Variants in EVPL observed in about 807,000 individuals in gnomAD.
EVPL encodes the protein envoplakin.
EVPL carries 94 observed loss-of-function variants against 129.7 expected under a neutral mutation model. The ratio of observed to expected loss-of-function variants is 0.72; its 90% CI spans 0.61 to 0.86. The LOEUF (loss-of-function observed/expected upper bound fraction) is 0.86, where lower values mean the gene tolerates loss of function less well. EVPL is among the 40% of genes least tolerant of loss of function. EVPL has a pLI of 0.00. For synonymous variants in EVPL, 1,172 were observed against 1,191.1 expected (o/e 0.98, Z 0.33); for missense variants, 2,625 against 2,721.1 (o/e 0.96, Z 0.79).
At chr17:76,010,616 A>C in intron 21 of EVPL, 73 bp from the exon 22 acceptor site, 1 of 1,462,726 alleles carries the variant, frequency 6.8e-7, no homozygotes, top group Non-Finnish European at 9.1e-7. Flanking sequence ...CCTGAGATGA[A>C]AGACCCCTCC....
At chr17:76,014,597 GA>G (rs1567911041) in intron 17 of EVPL, 21 bp from the exon 18 acceptor site, 1 of 1,609,670 alleles carries the variant, frequency 6.2e-7, no homozygotes, top group Admixed American at 1.7e-5. Flanking sequence ...ACGAGGCCCA[GA>G]ACAGAGATAA....
At chr17:76,015,191 T>A in intron 16 of EVPL, 36 bp downstream of exon 16, 1 of 1,564,120 alleles carries the variant, frequency 6.4e-7, no homozygotes, top group Non-Finnish European at 8.7e-7. Flanking sequence ...AATGCTGGGT[T>A]CCCCTGACAC....
rs1280127922 is a variant in EVPL, at chr17:76,009,398, C to G, written c.3807G>C (p.Glu1269Asp). Residue 1269 changes from glutamate (E) to aspartate (D), a missense_variant, in exon 22 of 22, where the codon GAG (glutamate) becomes GAC (aspartate). By Grantham distance (45) the Glu-to-Asp change is conservative. Coordinates refer to ENST00000301607, the MANE Select transcript of EVPL (RefSeq NM_001988.4). This position sits in a 1 kb window ranked among gnomAD's most constrained non-coding sequence, Gnocchi z 5.9. ...RHERSPEVLR[E>D]IDRLKAQLNE... ...TGAGCTGAGCCTTCAGGCGGTCGAT[C>G]TCACGCAGCACCTCGGGGCTCCTCT... 1.2e-6 allele frequency: 2 copies of G among 1,614,072 alleles called. No homozygotes were observed. The highest frequency in any genetic ancestry group is 1.7e-6 in the Non-Finnish European group (2 of 1,180,014).
chr17:76,014,810 G>A lies in EVPL; in HGVS notation c.2222+106C>T, dbSNP rs539682516. The A allele has an allele frequency of 2.2e-5, 28 of 1,259,430 alleles. No homozygotes were observed. In the South Asian group the frequency reaches 3.8e-4, roughly 17 times the overall value. 78.0% of individuals were successfully genotyped at this position (1,259,430 alleles called of 1,614,324 possible). On this transcript the variant is annotated intron_variant, in intron 17 of 21. Coordinates refer to ENST00000301607, the MANE Select transcript of EVPL (RefSeq NM_001988.4). Reference sequence around the variant, plus strand: ...ATCCCATTTTAGAGATGAGGAAACAGCTTCAGAGACGTGAAGTCACTAGCC... The same window carrying A: ...ATCCCATTTTAGAGATGAGGAAACAACTTCAGAGACGTGAAGTCACTAGCC...
At chr17:76,018,068 C>A in intron 13 of EVPL, 93 bp downstream of exon 13, 1 of 1,532,736 alleles carries the variant, frequency 6.5e-7, no homozygotes, top group Non-Finnish European at 8.8e-7. Context: ...GGTCCCTAAC[C>A]CAAGGCGACC....
In EVPL at chr17:76,008,113, A is replaced by G. The variant is rs1745892500; in HGVS notation, c.5092T>C (p.Ser1698Pro). ...ILEPETGKDM[S>P]PYEAYKRGII... ...CCCCTCTTGTAGGCCTCGTATGGGG[A>G]CATGTCCTTCCCCGTCTCGGGTTCC... Residue 1698 changes from serine (S) to proline (P), a missense_variant, in exon 22 of 22, where the codon TCC becomes CCC. Coordinates refer to ENST00000301607, the MANE Select transcript of EVPL (RefSeq NM_001988.4). The surrounding 1 kb of genome is among the most constrained non-coding windows in gnomAD (Gnocchi z 7.4). The G allele has an allele frequency of 1.2e-6, 2 of 1,613,844 alleles. No individual in the cohort carries two copies. Among genetic ancestry groups the G allele is most frequent in the Non-Finnish European group, 1.7e-6 (2 of 1,179,968 alleles).
Position 76,007,668 on chromosome 17 carries a change from G to A in EVPL, c.5537C>T (p.Ala1846Val), listed in dbSNP as rs1432961746. 9.3e-6 allele frequency: 15 copies of A among 1,613,752 alleles called. No individual in the cohort carries two copies. The South Asian group carries it at 1.3e-4, about 14-fold the overall frequency. Residue 1846 changes from alanine (A) to valine (V), a missense_variant, in exon 22 of 22, where the codon GCC (alanine) becomes GTC (valine). Coordinates refer to ENST00000301607, the MANE Select transcript of EVPL (RefSeq NM_001988.4). This position sits in a 1 kb window ranked among gnomAD's most constrained non-coding sequence, Gnocchi z 8.8. ...DNKCSIKTAV[A>V]KNMLDPITGQ... ...AGTGATGGGGTCCAGCATGTTCTTG[G>A]CCACGGCCGTCTTGATGCTGCACTT... is the stretch of plus-strand genomic sequence containing the variant.
At position 76,008,518 on chromosome 17, in the gene EVPL, G is replaced by A. The variant is rs1329964488; in HGVS notation, c.4687C>T (p.Arg1563Cys). The change falls in exon 22 of 22, where the codon CGC (arginine) becomes TGC (cysteine). Residue 1563 changes from arginine to cysteine, a missense_variant. Physicochemically the swap from Arg to Cys is radical, Grantham distance 180. Coordinates refer to ENST00000301607, the MANE Select transcript of EVPL (RefSeq NM_001988.4). This position sits in a 1 kb window ranked among gnomAD's most constrained non-coding sequence, Gnocchi z 7.4. ...CCCAGCGTCTCGGCCCGGTCAATGC[G>A]CTCCCGCAGGCGCCGTGCCTCCTCC... is the stretch of plus-strand genomic sequence containing the variant. Reference protein sequence around the residue: ...REEEARRLRERIDRAETLGRT... With the variant: ...REEEARRLRECIDRAETLGRT... 4 of 1,605,354 alleles carry A rather than the reference G, an allele frequency of 2.5e-6. No homozygotes were observed. Among genetic ancestry groups the A allele is most frequent in the East Asian group, 2.2e-5 (1 of 44,848 alleles).
rs1253662441 is a variant in EVPL at position 76,007,964 on chromosome 17, G to A, written c.5241C>T (p.Tyr1747=). ...GGCAGCGGAGGGCGGCCTCGATGGA[G>A]TACTGCTTCCCGCTCTTGCGGTCCA... ...VLLDRKSGKQ[Y]SIEAALRCRR... Residue 1747 remains tyrosine, a synonymous_variant, in exon 22 of 22, where the codon TAC becomes TAT. Coordinates refer to ENST00000301607, the MANE Select transcript of EVPL (RefSeq NM_001988.4). This position sits in a 1 kb window ranked among gnomAD's most constrained non-coding sequence, Gnocchi z 8.8. The A allele has an allele frequency of 3.1e-6, 5 of 1,614,132 alleles. No homozygotes were observed. Among genetic ancestry groups the A allele is most frequent in the Non-Finnish European group, 4.2e-6 (5 of 1,180,032 alleles).
Position 76,011,836 on chromosome 17 carries a change from G to A in EVPL, c.2504C>T (p.Thr835Ile), listed in dbSNP as rs146213156. 39 of 1,613,202 alleles carry A rather than the reference G, an allele frequency of 2.4e-5. No individual in the cohort carries two copies. The African/African-American group carries it at 4.0e-4, about 17-fold the overall frequency. Residue 835 changes from threonine to isoleucine, a missense_variant, in exon 20 of 22, where the codon ACC (threonine) becomes ATC (isoleucine). Thr to Ile is a moderately conservative substitution (Grantham distance 89). Transcript: ENST00000301607. The stretch of plus-strand genomic sequence containing the variant: ...TCTCTTGGGGGCTGACACTGCCAGG[G>A]TGGGCTCCAAAGAGCAGCGGTAGGT... ...ADTYRCSLEP[T>I]LAVSAPKRPR...
Position 76,023,239 on chromosome 17 carries a change from G to A in EVPL, c.480+53C>T, listed in dbSNP as rs943344168. The A allele has an allele frequency of 3.1e-6, 5 of 1,606,414 alleles. No individual in the cohort carries two copies. The African/African-American group carries it at 5.3e-5, about 17-fold the overall frequency. ...CCTGCAGTCAGGCCCTGGATTAAAT[G>A]CAGTTCCGTATCGCCCTCTGATCAC... On this transcript the variant is annotated intron_variant, in intron 4 of 21. Transcript: ENST00000301607.
rs1014410549 is a variant in EVPL, at chr17:76,018,181, G to A, written c.1517C>T (p.Ser506Phe). The A allele has an allele frequency of 1.9e-6, 3 of 1,551,102 alleles. No individual in the cohort carries two copies. Among genetic ancestry groups the A allele is most frequent in the African/African-American group, 2.7e-5 (2 of 73,174 alleles). ...QSRLKASAVE[S>F]LRPSQQAPSG... Reference sequence around the variant, plus strand: ...GGTACCCTGCTGGCTGGGCCGAAGAGACTCCACAGCACTGGCCTTCAGGCG... The same window carrying A: ...GGTACCCTGCTGGCTGGGCCGAAGAAACTCCACAGCACTGGCCTTCAGGCG... Residue 506 changes from serine to phenylalanine, a missense_variant, in exon 13 of 22, where the codon TCT becomes TTT. Ser to Phe is a radical substitution (Grantham distance 155). Transcript: ENST00000301607.
Position 76,009,394 on chromosome 17 carries a change from C to A in EVPL, c.3811G>T (p.Asp1271Tyr), listed in dbSNP as rs775741673. 2 of 1,613,872 alleles carry A rather than the reference C, an allele frequency of 1.2e-6. No homozygotes were observed. The highest frequency in any genetic ancestry group is 2.7e-5 in the African/African-American group (2 of 74,924). ...ERSPEVLREIDRLKAQLNELV... is the reference protein window; with the variant it reads ...ERSPEVLREIYRLKAQLNELV... ...TCGTTGAGCTGAGCCTTCAGGCGGT[C>A]GATCTCACGCAGCACCTCGGGGCTC... The change falls in exon 22 of 22, where the codon GAC becomes TAC. Residue 1271 changes from aspartate (D) to tyrosine (Y), a missense_variant. Coordinates refer to ENST00000301607, the MANE Select transcript of EVPL (RefSeq NM_001988.4). This position sits in a 1 kb window ranked among gnomAD's most constrained non-coding sequence, Gnocchi z 5.9.
At position 76,024,935 on chromosome 17, in the gene EVPL, C is replaced by T. The variant is rs948112181; in HGVS notation, c.99-815G>A. On this transcript the variant is annotated intron_variant, in intron 1 of 21. Transcript: ENST00000301607. This position sits in a 1 kb window ranked among gnomAD's most constrained non-coding sequence, Gnocchi z 4.5. ...GGCAGATTGGTCCAAGCCTTATGAGCACAGTGCCTTATGGGGGATCATTAT... is the reference window on the plus strand; with the variant it reads ...GGCAGATTGGTCCAAGCCTTATGAGTACAGTGCCTTATGGGGGATCATTAT... Among the ~76,000 whole-genome samples, 1 of 152,172 alleles carries T rather than the reference C, an allele frequency of 6.6e-6. No homozygotes were observed. Among genetic ancestry groups the T allele is most frequent in the African/African-American group, 2.4e-5 (1 of 41,446 alleles).
In EVPL at chr17:76,008,173, G is replaced by A. The variant is rs764820931; in HGVS notation, c.5032C>T (p.Arg1678Ter). Reference protein sequence around the residue: ...REELSQETQTRETNLSTKISI... With the variant: ...REELSQETQT Reference sequence around the variant, plus strand: ...ATCTTGGTGGAAAGGTTGGTCTCTCGCGTCTGGGTCTCCTGGCTGAGCTCC... The same window carrying A: ...ATCTTGGTGGAAAGGTTGGTCTCTCACGTCTGGGTCTCCTGGCTGAGCTCC... The change falls in exon 22 of 22, where the codon CGA becomes TGA. Residue 1678 changes from arginine to a stop codon, truncating the protein, a stop_gained. Transcript: ENST00000301607. LOFTEE classifies it high-confidence loss of function. This position sits in a 1 kb window ranked among gnomAD's most constrained non-coding sequence, Gnocchi z 7.4. 56 of 1,614,004 alleles carry A rather than the reference G, an allele frequency of 3.5e-5. No individual in the cohort carries two copies. The highest frequency in any genetic ancestry group is 4.5e-5 in the East Asian group (2 of 44,882).
intron 18 of EVPL, 52 bp from the exon 19 acceptor site, chr17:76,012,141 A>C: frequency 1.4e-6 from 2 of 1,419,588 alleles, no homozygotes; most frequent in Non-Finnish European, 1.9e-6. Context: ...AATCACCCTG[A>C]CTCTCCTCTA....
rs1410047092 is a variant in EVPL, at chr17:76,015,536, G to A, written c.1803C>T (p.Pro601=). 6.2e-6 allele frequency: 10 copies of A among 1,612,846 alleles called. No individual in the cohort carries two copies. The highest frequency in any genetic ancestry group is 3.3e-5 in the South Asian group (3 of 91,082). The part of the protein sequence containing the change: ...EAFLSTRPVG[P]AALQLPVALN... ...GGGCTACGGGCAGCTGCAGGGCAGCGGGGCCCACGGGCCGCGTGGACAGAA... is the reference window on the plus strand; with the variant it reads ...GGGCTACGGGCAGCTGCAGGGCAGCAGGGCCCACGGGCCGCGTGGACAGAA... Residue 601 remains proline, a synonymous_variant, in exon 15 of 22, where the codon CCC becomes CCT. Coordinates refer to ENST00000301607, the MANE Select transcript of EVPL (RefSeq NM_001988.4).
chr17:76,026,883 C>A, intron 1 of EVPL, among the ~76,000 whole-genome samples: 1 of 152,242 alleles, frequency 6.6e-6, no homozygotes, highest in East Asian at 1.9e-4. Context: ...CCCAGGTCAT[C>A]CCCTGCCTCC....
Position 76,007,298 on chromosome 17 carries a change from G to C in EVPL, c.5907C>G (p.Ala1969=). The change falls in exon 22 of 22, where the codon GCC becomes GCG. Residue 1969 remains alanine (A), a synonymous_variant. Transcript: ENST00000301607. The surrounding 1 kb of genome is among the most constrained non-coding windows in gnomAD (Gnocchi z 8.8). ...LLSGMISEEL[A]QLLQDESSYE... is the part of the protein sequence containing the mutation. Reference sequence around the variant, plus strand: ...AGCTGGACTCGTCCTGCAGGAGCTGGGCCAGCTCTTCACTGATCATCCCGG... The same window carrying C: ...AGCTGGACTCGTCCTGCAGGAGCTGCGCCAGCTCTTCACTGATCATCCCGG... 2 of 1,555,140 alleles carry C rather than the reference G, an allele frequency of 1.3e-6. No individual in the cohort carries two copies. The highest frequency in any genetic ancestry group is 1.7e-6 in the Non-Finnish European group (2 of 1,148,366).
Sources: gnomAD v4.1 joint callset for allele counts (sites outside exome capture counted in the v4.1 genomes callset) on GRCh38, gnomAD v4.1.1 for gene constraint, Gnocchi (gnomAD v3.1) non-coding constraint, MANE v1.5 for transcripts, NCBI Gene and HGNC (gene_info 2026-07-23, HGNC 2026-07-21) for gene names.